The following REDIC1 variants were observed in gnomAD, a reference collection of about 807,000 sequenced individuals.
REDIC1 encodes regulator of DNA class I crossover intermediates 1, also known as HEI10 Interacting Protein 1.
At chr12:39,814,461 A>C in the REDIC1 span, among the ~76,000 whole-genome samples, 1 of 152,216 alleles carries the variant, frequency 6.6e-6, no homozygotes, top group Admixed American at 6.5e-5. Flanking sequence ...ACACTGGCTC[A>C]CTAAAATCAA....
At chr12:39,712,126 C>CA in the REDIC1 span, among the ~76,000 whole-genome samples, 1 of 62,628 alleles carries the variant, frequency 1.6e-5, no homozygotes. Flanking sequence ...GTATATATAC[C>CA]TGTATGTACA....
chr12:39,831,641 TG>T, the REDIC1 span, among the ~76,000 whole-genome samples: 1 of 152,072 alleles, frequency 6.6e-6, no homozygotes, highest in African/African-American at 2.4e-5. Context: ...TAGGGCCTGG[TG>T]GGAGGTATTG....
chr12:39,858,732 G>A, the REDIC1 span, among the ~76,000 whole-genome samples: 3,021 of 152,086 alleles, frequency 0.02, 100 homozygotes, highest in African/African-American at 0.067. Context: ...TCAGCCTCCC[G>A]AGTAGCTGGG....
chr12:39,747,728 T>G, the REDIC1 span, among the ~76,000 whole-genome samples: 1 of 152,184 alleles, frequency 6.6e-6, no homozygotes, highest in Non-Finnish European at 1.5e-5. Context: ...CAGCTGATCT[T>G]TCAGCAGAAA....
At chr12:39,645,691 G>A in the REDIC1 span, among the ~76,000 whole-genome samples, 17 of 152,172 alleles carry the variant, frequency 1.1e-4, no homozygotes, top group Non-Finnish European at 2.2e-4. Flanking sequence ...CTAGCAGAAT[G>A]GGATACGATT....
chr12:39,896,215 C>CGTATACATATATGCATATGTGTATATAT, the REDIC1 span, among the ~76,000 whole-genome samples: 4 of 139,728 alleles, frequency 2.9e-5, no homozygotes, highest in Admixed American at 7.1e-5. Flanking sequence ...CATGTATATA[C>CGTATACATATATGCATATGTGTATATAT]GTATACATAT....
At chr12:39,701,671 T>G in the REDIC1 span, among the ~76,000 whole-genome samples, 1 of 152,118 alleles carries the variant, frequency 6.6e-6, no homozygotes, top group African/African-American at 2.4e-5. Context: ...TATTCCAAAA[T>G]TGACCACATA....
At chr12:39,714,564 C>G in the REDIC1 span, among the ~76,000 whole-genome samples, 9 of 151,608 alleles carry the variant, frequency 5.9e-5, no homozygotes, top group Admixed American at 4.6e-4. Flanking sequence ...ATTTCTTTTC[C>G]TCTGGGTGGA....
chr12:39,673,003 A>T, the REDIC1 span, among the ~76,000 whole-genome samples: 1 of 151,704 alleles, frequency 6.6e-6, no homozygotes, highest in Non-Finnish European at 1.5e-5. Flanking sequence ...GGGTTGAGGG[A>T]CTCCAATGTG....
chr12:39,907,757 T>G, the REDIC1 span: 1 of 152,180 alleles, frequency 6.6e-6, no homozygotes, highest in Non-Finnish European at 1.5e-5. Flanking sequence ...GTATGTGGAT[T>G]GGACACATGT....
chr12:39,700,736 T>C, the REDIC1 span, among the ~76,000 whole-genome samples: 2 of 151,826 alleles, frequency 1.3e-5, no homozygotes, highest in African/African-American at 4.8e-5. Context: ...ACAGTGGATC[T>C]CTCAGCAGAA....
chr12:39,637,173 A>G, the REDIC1 span, among the ~76,000 whole-genome samples: 3 of 151,990 alleles, frequency 2.0e-5, no homozygotes, highest in East Asian at 5.8e-4. Context: ...ATAAAGTAAC[A>G]AATATTTATA....
chr12:39,871,712 T>G, the REDIC1 span: 1 of 1,259,466 alleles, frequency 7.9e-7, no homozygotes, highest in East Asian at 2.7e-5. Flanking sequence ...ATATTAGAAG[T>G]GGTGTAAGTA....
At chr12:39,697,242 A>T in the REDIC1 span, among the ~76,000 whole-genome samples, 2 of 152,212 alleles carry the variant, frequency 1.3e-5, no homozygotes. Context: ...GAAACCTTTT[A>T]CCCTAAAATA....
the REDIC1 span, among the ~76,000 whole-genome samples, chr12:39,649,843 C>T: frequency 6.6e-6 from 1 of 151,922 alleles, no homozygotes; most frequent in African/African-American, 2.4e-5. Context: ...TCTAAAGTTA[C>T]TCAGTAAATG....
the REDIC1 span, among the ~76,000 whole-genome samples, chr12:39,722,073 C>T: frequency 3.3e-5 from 5 of 152,034 alleles, no homozygotes; most frequent in African/African-American, 1.2e-4. Context: ...TGGTACACAG[C>T]AGAGGGCATT....
chr12:39,650,123 T>C, the REDIC1 span: 5 of 1,129,566 alleles, frequency 4.4e-6, no homozygotes, highest in Non-Finnish European at 5.8e-6. The surrounding 1 kb of genome is among the most constrained non-coding windows in gnomAD (Gnocchi z 4.3). Context: ...TTGGACTATT[T>C]TTACAATTTT....
At chr12:39,626,423 C>T in the REDIC1 span, 1 of 1,602,264 alleles carries the variant, frequency 6.2e-7, no homozygotes, top group Admixed American at 1.7e-5. Context: ...TTTCTAGTTC[C>T]TGGCGGAGAG....
chr12:39,716,178 T>A, the REDIC1 span, among the ~76,000 whole-genome samples: 1 of 152,006 alleles, frequency 6.6e-6, no homozygotes, highest in South Asian at 2.1e-4. Flanking sequence ...ACAGGAGTGG[T>A]TGAAGCTACG....
Sources: gnomAD v4.1 joint callset for allele counts (sites outside exome capture counted in the v4.1 genomes callset) on GRCh38, gnomAD v4.1.1 for gene constraint, Gnocchi (gnomAD v3.1) non-coding constraint, MANE v1.5 for transcripts, NCBI Gene and HGNC (gene_info 2026-07-23, HGNC 2026-07-21) for gene names.